The following ZSCAN20 variants were observed in gnomAD, a reference collection of about 807,000 sequenced individuals.
ZSCAN20 encodes the protein zinc finger and SCAN domain containing 20.
A neutral mutation model predicts 97.1 loss-of-function variants in ZSCAN20; 39 were observed. The observed-to-expected ratio is 0.40, with a 90% CI of 0.31 to 0.52. The LOEUF (loss-of-function observed/expected upper bound fraction) is 0.52. ZSCAN20 is among the 20% of genes least tolerant of loss of function. The pLI, the probability that ZSCAN20 is intolerant of heterozygous loss-of-function variation, is 0.49. For synonymous variants in ZSCAN20, 456 were observed against 467.3 expected, an observed-to-expected ratio of 0.98 and a Z score of 0.31; for missense variants, 1,115 against 1,290.4, an observed-to-expected ratio of 0.86 and a Z score of 2.08.
Position 33,495,923 on chromosome 1 carries a change from G to C in ZSCAN20, c.*447G>C, listed in dbSNP as rs1652846865. 1 of 154,750 alleles carries C rather than the reference G, an allele frequency of 6.5e-6. No homozygotes were observed. Among genetic ancestry groups the C allele is most frequent in the Non-Finnish European group, 1.4e-5 (1 of 69,724 alleles). 9.6% of individuals were successfully genotyped at this position (154,750 alleles called of 1,614,324 possible). On this transcript the variant is annotated 3_prime_UTR_variant, in exon 8 of 8. Coordinates refer to ENST00000684572, the MANE Select transcript of ZSCAN20 (RefSeq NM_001377376.1). ...GGAGAATGTTGTGACTCTGGTGAGA[G>C]AGGAGTTGGCCTAGAGCAGGCCACT... is the stretch of plus-strand genomic sequence containing the variant.
intron 1 of ZSCAN20, among the ~76,000 whole-genome samples, chr1:33,478,824 G>T (rs910380453): frequency 7.9e-5 from 12 of 152,112 alleles, no homozygotes; most frequent in Admixed American, 7.9e-4. Context: ...TGGAGGTGTG[G>T]GATGCCAGGC....
rs371063496 is a variant in ZSCAN20, at chr1:33,495,346, G to C, written c.3002G>C (p.Ser1001Thr). Residue 1001 changes from serine to threonine, a missense_variant, in exon 8 of 8, where the codon AGT (serine) becomes ACT (threonine). Coordinates refer to ENST00000684572, the MANE Select transcript of ZSCAN20 (RefSeq NM_001377376.1). ...GGGAAATGCTTTAACCAGAGCTCCA[G>C]TCTTATTATTCACCAGAGAATCCAC... ...ECGKCFNQSS[S>T]LIIHQRIHTG... 58 of 1,612,088 alleles carry C rather than the reference G, an allele frequency of 3.6e-5. No individual in the cohort carries two copies. In the African/African-American group the frequency reaches 7.2e-4, roughly 20 times the overall value.
At position 33,479,208 on chromosome 1, in the gene ZSCAN20, G is replaced by C. The variant is rs557402257; in HGVS notation, c.-81G>C. 24 of 1,442,984 alleles carry C rather than the reference G, an allele frequency of 1.7e-5. No individual in the cohort carries two copies. In the South Asian group the frequency reaches 3.2e-4, roughly 19 times the overall value. 89.4% of individuals were successfully genotyped at this position (1,442,984 alleles called of 1,614,324 possible). ...TTGGGGAGCAGTCCCTTTTCTAGGA[G>C]CCTCTTGAAGGACTCACCGTAGATG... On this transcript the variant is annotated 5_prime_UTR_variant, in exon 2 of 8. Transcript: ENST00000684572.
At chr1:33,479,833 A>G (rs1162118631) in intron 2 of ZSCAN20, 128 bp downstream of exon 2, 3 of 997,424 alleles carry the variant, frequency 3.0e-6, no homozygotes, top group African/African-American at 3.3e-5. Flanking sequence ...CTTATTGACC[A>G]CTACTGTATA....
Position 33,494,725 on chromosome 1 carries a change from A to G in ZSCAN20, c.2381A>G (p.Tyr794Cys), listed in dbSNP as rs374309305. 55 of 1,614,078 alleles carry G rather than the reference A, an allele frequency of 3.4e-5. No individual in the cohort carries two copies. Among genetic ancestry groups the G allele is most frequent in the Non-Finnish European group, 4.4e-5 (52 of 1,180,050 alleles). Residue 794 changes from tyrosine (Y) to cysteine (C), a missense_variant, in exon 8 of 8, where the codon TAT becomes TGT. By Grantham distance (194) the Tyr-to-Cys change is radical. Transcript: ENST00000684572. ...AGAATTCACACGGGGGAAAAGCCCT[A>G]TAAATGTGGAGAATGTTGGAAAAGC... ...HQRIHTGEKP[Y>C]KCGECWKSFN...
rs1388435862 is a variant in ZSCAN20 at position 33,472,706 on chromosome 1, C to G, written c.-111+15C>G. On this transcript the variant is annotated intron_variant, in intron 1 of 7. Coordinates refer to ENST00000684572, the MANE Select transcript of ZSCAN20 (RefSeq NM_001377376.1). ...TGTCTCGGTGGGTGAGTCCGGGTGG[C>G]GGGGCGGGGGCAGCTGAGACGCAGG... The G allele has an allele frequency of 5.1e-5, 7 of 138,068 alleles. No homozygotes were observed. The highest frequency in any genetic ancestry group is 1.7e-4 in the African/African-American group (6 of 36,354). The allele number at this position is 138,068 out of a possible 1,614,324, so 8.6% of individuals were successfully genotyped here. A position where few individuals can be genotyped will look rare whatever the true frequency, so the allele number is the denominator to read the frequency against.
Position 33,489,582 on chromosome 1 carries a change from G to A in ZSCAN20, c.746G>A (p.Cys249Tyr). The stretch of plus-strand genomic sequence containing the variant: ...TGTAAAGACCCCCCAGGAGACGACT[G>A]TGGGAACAGCGTGTGCCTGGGTAAG... ...ELCKDPPGDD[C>Y]GNSVCLGVPV... The change falls in exon 5 of 8, where the codon TGT becomes TAT. Residue 249 changes from cysteine to tyrosine, a missense_variant. Transcript: ENST00000684572. 6.2e-7 allele frequency: 1 copy of A among 1,614,186 alleles called. No individual in the cohort carries two copies. Among genetic ancestry groups the A allele is most frequent in the African/African-American group, 1.3e-5 (1 of 75,048 alleles).
At chr1:33,476,287 A>G (rs1330044886) in intron 1 of ZSCAN20, among the ~76,000 whole-genome samples, 1 of 152,140 alleles carries the variant, frequency 6.6e-6, no homozygotes, top group African/African-American at 2.4e-5. Context: ...CCTGCTATCC[A>G]TACTTCGGTC....
intron 5 of ZSCAN20, among the ~76,000 whole-genome samples, chr1:33,490,756 AC>A (rs774721339): frequency 6.6e-6 from 1 of 152,002 alleles, no homozygotes; most frequent in Non-Finnish European, 1.5e-5. Context: ...CCATCTGTGG[AC>A]CAATGAGTTA....
At position 33,494,222 on chromosome 1, in the gene ZSCAN20, T is replaced by G. The variant is rs753673536; in HGVS notation, c.1878T>G (p.Phe626Leu). 12 of 1,555,060 alleles carry G rather than the reference T, an allele frequency of 7.7e-6. No homozygotes were observed. Among genetic ancestry groups the G allele is most frequent in the Non-Finnish European group, 9.5e-6 (11 of 1,152,948 alleles). ...TLCPKAPDMGFEMRHEDEDQI... is the reference protein window; with the variant it reads ...TLCPKAPDMGLEMRHEDEDQI... Reference sequence around the variant, plus strand: ...CATTTCTGTCCATTTTTTCAGGTTTTGAAATGAGGCATGAGGATGAAGACC... The same window carrying G: ...CATTTCTGTCCATTTTTTCAGGTTTGGAAATGAGGCATGAGGATGAAGACC... The change falls in exon 8 of 8, where the codon TTT becomes TTG. Residue 626 changes from phenylalanine to leucine, a missense_variant. By Grantham distance (22) the Phe-to-Leu change is conservative (BLOSUM62 0). Transcript: ENST00000684572.
rs767953869 is a variant in ZSCAN20, at chr1:33,491,331, G to A, written c.1073G>A (p.Arg358Gln). 1.9e-5 allele frequency: 30 copies of A among 1,613,942 alleles called. No homozygotes were observed. The highest frequency in any genetic ancestry group is 5.0e-5 in the Admixed American group (3 of 59,996). The change falls in exon 6 of 8, where the codon CGG (arginine) becomes CAG (glutamine). Residue 358 changes from arginine (R) to glutamine (Q), a missense_variant. This residue lies in a region of ZSCAN20 where 508 missense variants were observed against 611.2 expected (regional missense o/e 0.83). Coordinates refer to ENST00000684572, the MANE Select transcript of ZSCAN20 (RefSeq NM_001377376.1). This position sits in a 1 kb window ranked among gnomAD's most constrained non-coding sequence, Gnocchi z 4.3. ...TGTCACCAGAACCGCCAGGTATATC[G>A]GGCCATTGCAGAGCAGCTAAGGGCA... is the stretch of plus-strand genomic sequence containing the variant. The part of the protein sequence containing the change: ...RTCHQNRQVY[R>Q]AIAEQLRARG...
intron 6 of ZSCAN20, chr1:33,492,774 CAA>C (rs1239595476): frequency 1.8e-4 from 6 of 32,770 alleles, no homozygotes; most frequent in African/African-American, 5.4e-4. Context: ...GACTCCGTCT[CAA>C]AAAAAAAAAA....
Position 33,486,816 on chromosome 1 carries a change from T to C in ZSCAN20, c.418-1649T>C, listed in dbSNP as rs146511162. ...TTGATAAGCAGATGCTTTCTCCCTG[T>C]GAAGTCACACAGGACACTGGTGGAT... On this transcript the variant is annotated intron_variant, in intron 2 of 7. Coordinates refer to ENST00000684572, the MANE Select transcript of ZSCAN20 (RefSeq NM_001377376.1). Among the ~76,000 whole-genome samples the C allele has an allele frequency of 8.7e-3, 1,321 of 152,310 alleles. 11 individuals carry two copies. Among genetic ancestry groups the C allele is most frequent in the Non-Finnish European group, 0.012 (839 of 68,014 alleles).
In ZSCAN20 at chr1:33,487,810, T is replaced by TTTTA. The variant is rs202007389; in HGVS notation, c.418-636_418-633dup. 6.5e-3 allele frequency among the ~76,000 whole-genome samples: 986 copies of TTTTA among 151,870 alleles called. 14 individuals carry two copies. The highest frequency in any genetic ancestry group is 0.022 in the African/African-American group (927 of 41,402). On this transcript the variant is annotated intron_variant, in intron 2 of 7. Transcript: ENST00000684572. ...GGCATGTGCCACCATGCCTGGTTAA[T>TTTTA]TTTATTTATTTATTTATTTATTATA...
intron 2 of ZSCAN20, among the ~76,000 whole-genome samples, chr1:33,481,727 T>G (rs1004413829): frequency 6.6e-6 from 1 of 152,202 alleles, no homozygotes; most frequent in Admixed American, 6.5e-5. Flanking sequence ...CCTACAGGAC[T>G]AAATGGCCCC....
chr1:33,491,612 G>C lies in ZSCAN20; in HGVS notation c.1354G>C (p.Glu452Gln), dbSNP rs752002237. ...GGGCTGGGATCCTGAAGAAATGGCAGAAGACTGTAACGGTGCTGGCCTGGT... is the reference window on the plus strand; with the variant it reads ...GGGCTGGGATCCTGAAGAAATGGCACAAGACTGTAACGGTGCTGGCCTGGT... Reference protein sequence around the residue: ...EGGWDPEEMAEDCNGAGLVNV... With the variant: ...EGGWDPEEMAQDCNGAGLVNV... Residue 452 changes from glutamate (E) to glutamine (Q), a missense_variant, in exon 6 of 8, where the codon GAA (glutamate) becomes CAA (glutamine). This residue lies in a region of ZSCAN20 where 508 missense variants were observed against 611.2 expected (regional missense o/e 0.83). Coordinates refer to ENST00000684572, the MANE Select transcript of ZSCAN20 (RefSeq NM_001377376.1). The surrounding 1 kb of genome is among the most constrained non-coding windows in gnomAD (Gnocchi z 4.3). 2 of 1,614,188 alleles carry C rather than the reference G, an allele frequency of 1.2e-6. No homozygotes were observed. Among genetic ancestry groups the C allele is most frequent in the South Asian group, 2.2e-5 (2 of 91,072 alleles).
chr1:33,491,837 A>C lies in ZSCAN20; in HGVS notation c.1444+135A>C. 2 of 833,860 alleles carry C rather than the reference A, an allele frequency of 2.4e-6. No individual in the cohort carries two copies. The highest frequency in any genetic ancestry group is 3.5e-6 in the Non-Finnish European group (2 of 571,698). 51.7% of individuals were successfully genotyped at this position (833,860 alleles called of 1,614,324 possible). A position where few individuals can be genotyped will look rare whatever the true frequency, so the allele number is the denominator to read the frequency against. On this transcript the variant is annotated intron_variant, in intron 6 of 7. Transcript: ENST00000684572. The surrounding 1 kb of genome is among the most constrained non-coding windows in gnomAD (Gnocchi z 4.3). ...AGTGAAGAGCTACATTCCTTAGGTC[A>C]TCCTCAAACTCCAACTTTCTTTTCC... is the stretch of plus-strand genomic sequence containing the variant.
chr1:33,480,383 C>A (rs993999287), intron 2 of ZSCAN20, among the ~76,000 whole-genome samples: 1 of 152,124 alleles, frequency 6.6e-6, no homozygotes, highest in South Asian at 2.1e-4. Context: ...TGCCAAGTGG[C>A]CCACAAAGGT....
At chr1:33,482,693 A>G (rs1652199768) in intron 2 of ZSCAN20, among the ~76,000 whole-genome samples, 1 of 152,240 alleles carries the variant, frequency 6.6e-6, no homozygotes, top group Non-Finnish European at 1.5e-5. Context: ...TTTACTAGCA[A>G]TGAATGGGAG....
Sources: allele counts gnomAD v4.1 joint callset (sites outside exome capture counted in the v4.1 genomes callset), GRCh38; gene constraint gnomAD v4.1.1; regional missense constraint gnomAD v4.1.1; non-coding constraint Gnocchi (gnomAD v3.1); transcripts MANE v1.5; gene names NCBI Gene and HGNC (gene_info 2026-07-23, HGNC 2026-07-21).